NTN1: variants seen among roughly 807,000 people sequenced by gnomAD.
NTN1 encodes the protein netrin-1.
A neutral mutation model predicts 54.2 loss-of-function variants in NTN1; 11 were observed. The ratio of observed to expected loss-of-function variants is 0.20; its 90% confidence interval spans 0.13 to 0.34. The LOEUF (loss-of-function observed/expected upper bound fraction) is 0.34. Among genes scored for constraint, NTN1 ranks in the 10% least tolerant of loss-of-function variants. The pLI is 1.00. For synonymous variants in NTN1, 371 were observed against 382.0 expected (o/e 0.97, Z 0.33); for missense variants, 740 against 893.1 (o/e 0.83, Z 2.18).
intron 2 of NTN1, among the ~76,000 whole-genome samples, chr17:9,114,149 A>AT (rs1567713655): frequency 2.5e-4 from 24 of 97,314 alleles, no homozygotes; most frequent in African/African-American, 9.7e-4. Flanking sequence ...GTGCCAAAAA[A>AT]AAAGAAAAAA....
At chr17:9,004,365 C>T in the NTN1 span, among the ~76,000 whole-genome samples, 1 of 152,280 alleles carries the variant, frequency 6.6e-6, no homozygotes, top group Non-Finnish European at 1.5e-5. Flanking sequence ...AGCCCCGTCG[C>T]CCTCGCGGCC....
Position 9,022,959 on chromosome 17 carries a change from C to T in NTN1, c.586C>T (p.Gln196Ter). 6.2e-7 allele frequency: 1 copy of T among 1,611,328 alleles called. No homozygotes were observed. The highest frequency in any genetic ancestry group is 8.5e-7 in the Non-Finnish European group (1 of 1,179,548). ...NRPHRAPITK[Q>*]NEQEAVCTDS... ...GCCGCACCGCGCGCCCATCACCAAG[C>T]AGAACGAGCAGGAGGCCGTGTGCAC... Residue 196 changes from glutamine (Q) to a stop codon, truncating the protein, a stop_gained, in exon 2 of 7, where the codon CAG becomes TAG. Coordinates refer to ENST00000173229, the MANE Select transcript of NTN1 (RefSeq NM_004822.3). LOFTEE classifies it high-confidence loss of function.
At chr17:9,214,527 A>G (rs1905175161) in intron 5 of NTN1, among the ~76,000 whole-genome samples, 1 of 152,222 alleles carries the variant, frequency 6.6e-6, no homozygotes, top group South Asian at 2.1e-4. Flanking sequence ...GAGCTCTTAA[A>G]AAAAATCACT....
At chr17:9,132,427 A>T (rs1346062609) in intron 2 of NTN1, among the ~76,000 whole-genome samples, 1 of 152,216 alleles carries the variant, frequency 6.6e-6, no homozygotes, top group Non-Finnish European at 1.5e-5. Context: ...CTTCTCTAGC[A>T]GGGACCTACT....
At chr17:9,161,263 C>T (rs1036798960) in intron 2 of NTN1, among the ~76,000 whole-genome samples, 1 of 152,122 alleles carries the variant, frequency 6.6e-6, no homozygotes, top group African/African-American at 2.4e-5. Context: ...CCAGATAAAA[C>T]GGGAGTGTCC....
chr17:9,230,681 G>A (rs1371452889), intron 6 of NTN1, among the ~76,000 whole-genome samples: 1 of 152,042 alleles, frequency 6.6e-6, no homozygotes, highest in Admixed American at 6.6e-5. Context: ...GAGGCTCTGG[G>A]GGGATGCGGC....
intron 2 of NTN1, among the ~76,000 whole-genome samples, chr17:9,034,740 A>C (rs2091898166): frequency 6.6e-6 from 1 of 151,622 alleles, no homozygotes; most frequent in African/African-American, 2.4e-5. Context: ...TCTTAAGTAA[A>C]CTTCTTTATT....
intron 6 of NTN1, among the ~76,000 whole-genome samples, chr17:9,233,849 A>G (rs1905893397): frequency 6.6e-6 from 1 of 152,176 alleles, no homozygotes. Context: ...TGGACAGGCC[A>G]GGCCTGACTG....
chr17:9,119,266 C>T (rs2092224775), intron 2 of NTN1, among the ~76,000 whole-genome samples: 1 of 152,274 alleles, frequency 6.6e-6, no homozygotes, highest in South Asian at 2.1e-4. Flanking sequence ...CGGCTCACTG[C>T]AACCTCTGCC....
chr17:9,081,246 T>A (rs1299294798), intron 2 of NTN1, among the ~76,000 whole-genome samples: 1 of 152,318 alleles, frequency 6.6e-6, no homozygotes, highest in Non-Finnish European at 1.5e-5. Context: ...TCCCTCACAC[T>A]TCTTGGTGAC....
At chr17:9,031,909 C>G (rs777646202) in intron 2 of NTN1, among the ~76,000 whole-genome samples, 1 of 151,708 alleles carries the variant, frequency 6.6e-6, no homozygotes, top group Non-Finnish European at 1.5e-5. Context: ...TGCAATGAGT[C>G]GAGATCGTGC....
At chr17:9,111,188 G>A (rs1401645128) in intron 2 of NTN1, among the ~76,000 whole-genome samples, 3 of 151,936 alleles carry the variant, frequency 2.0e-5, no homozygotes, top group African/African-American at 7.3e-5. Flanking sequence ...CGCCTGCCTC[G>A]GCCTCCCAAA....
intron 5 of NTN1, among the ~76,000 whole-genome samples, chr17:9,206,305 C>T (rs574580935): frequency 9.5e-4 from 145 of 152,300 alleles, no homozygotes; most frequent in Admixed American, 1.0e-3. Context: ...ATTTGTTTTC[C>T]AATCCATCTT....
intron 2 of NTN1, among the ~76,000 whole-genome samples, chr17:9,121,719 C>T (rs1225208205): frequency 6.6e-6 from 1 of 152,172 alleles, no homozygotes; most frequent in Non-Finnish European, 1.5e-5. Flanking sequence ...GGGGTGGCAG[C>T]TCTGGTCAGT....
At chr17:9,101,751 G>T (rs2092151160) in intron 2 of NTN1, among the ~76,000 whole-genome samples, 1 of 152,234 alleles carries the variant, frequency 6.6e-6, no homozygotes, top group Non-Finnish European at 1.5e-5. Context: ...CCAGCACTTT[G>T]GGAGGCTGAG....
At chr17:9,156,491 GAA>G (rs2092342647) in intron 2 of NTN1, among the ~76,000 whole-genome samples, 1 of 152,184 alleles carries the variant, frequency 6.6e-6, no homozygotes, top group South Asian at 2.1e-4. Flanking sequence ...ACATGGTCTG[GAA>G]ACTGCTCACC....
the NTN1 span, among the ~76,000 whole-genome samples, chr17:9,012,988 G>A: frequency 2.0e-5 from 3 of 152,008 alleles, no homozygotes; most frequent in Non-Finnish European, 4.4e-5. Flanking sequence ...TTTAAAGGGG[G>A]ATGTATACAT....
At chr17:9,183,187 A>G in intron 5 of NTN1, 1 of 688,320 alleles carries the variant, frequency 1.5e-6, no homozygotes, top group Middle Eastern at 3.4e-4. Flanking sequence ...GGAGATTTTA[A>G]TGATGCCTCT....
chr17:9,181,001 G>T (rs3785981), intron 4 of NTN1, among the ~76,000 whole-genome samples: 54,563 of 152,094 alleles, frequency 0.36, 10,207 homozygotes, highest in Middle Eastern at 0.49. Flanking sequence ...GAGGTCTCCC[G>T]TCAGGGAATT....
Sources: allele counts gnomAD v4.1 joint callset (sites outside exome capture counted in the v4.1 genomes callset), GRCh38; gene constraint gnomAD v4.1.1; transcripts MANE v1.5; gene names NCBI Gene and HGNC (gene_info 2026-07-23, HGNC 2026-07-21).